The following PAPPA variants were observed in gnomAD, a reference collection of about 807,000 sequenced individuals.
PAPPA encodes pappalysin-1.
In PAPPA, 60 loss-of-function variants were observed where a neutral mutation model predicts 164.0. The observed-to-expected ratio is 0.37, with a 90% CI of 0.30 to 0.45. The LOEUF is 0.45. Among genes scored for constraint, PAPPA ranks in the 20% least tolerant of loss-of-function variants. The pLI is 1.00. For synonymous variants in PAPPA, 875 were observed against 814.1 expected, an observed-to-expected ratio of 1.07 and a Z score of -1.27; for missense variants, 1,782 against 2,087.3, an observed-to-expected ratio of 0.85 and a Z score of 2.85.
chr9:116,233,381 G>A (rs150294550), intron 6 of PAPPA, among the ~76,000 whole-genome samples: 73 of 152,334 alleles, frequency 4.8e-4, no homozygotes, highest in African/African-American at 1.7e-3. Flanking sequence ...ATCCCACAAA[G>A]TTAAGAAAGT....
chr9:116,345,405 G>A, intron 14 of PAPPA, among the ~76,000 whole-genome samples: 1 of 148,104 alleles, frequency 6.8e-6, no homozygotes, highest in Non-Finnish European at 1.5e-5. Context: ...GTAGGCACAG[G>A]CATGGATAGT....
At chr9:116,371,595 T>C (rs1487825454) in intron 19 of PAPPA, among the ~76,000 whole-genome samples, 2 of 152,186 alleles carry the variant, frequency 1.3e-5, no homozygotes, top group African/African-American at 2.4e-5. Context: ...CTTTTCTTTT[T>C]TTCAATTTTT....
intron 5 of PAPPA, among the ~76,000 whole-genome samples, chr9:116,224,191 C>G (rs1434577137): frequency 6.6e-6 from 1 of 152,244 alleles, no homozygotes; most frequent in Non-Finnish European, 1.5e-5. Flanking sequence ...CTCCCACAGC[C>G]TGTGTCCTCA....
intron 7 of PAPPA, among the ~76,000 whole-genome samples, chr9:116,239,404 G>A (rs921817054): frequency 2.0e-5 from 3 of 152,138 alleles, no homozygotes; most frequent in African/African-American, 7.2e-5. Context: ...TCTGTACAAT[G>A]AGAGGCCAAC....
chr9:116,320,618 G>A (rs1845842408), intron 10 of PAPPA, among the ~76,000 whole-genome samples: 3 of 152,090 alleles, frequency 2.0e-5, no homozygotes, highest in Non-Finnish European at 4.4e-5. Flanking sequence ...GGCATCAAAG[G>A]GGAAAGCTGC....
intron 7 of PAPPA, among the ~76,000 whole-genome samples, chr9:116,246,988 C>T (rs1173521305): frequency 6.6e-6 from 1 of 151,936 alleles, no homozygotes; most frequent in Non-Finnish European, 1.5e-5. Flanking sequence ...TGTACCACTG[C>T]ACTCCAGCTT....
At chr9:116,230,900 A>T (rs1326531041) in intron 6 of PAPPA, among the ~76,000 whole-genome samples, 1 of 152,196 alleles carries the variant, frequency 6.6e-6, no homozygotes, top group Non-Finnish European at 1.5e-5. Flanking sequence ...AATAGATCCC[A>T]AGTGTTGGGT....
chr9:116,299,595 A>G (rs1158503657), intron 9 of PAPPA, among the ~76,000 whole-genome samples: 1 of 152,200 alleles, frequency 6.6e-6, no homozygotes, highest in African/African-American at 2.4e-5. Flanking sequence ...GGAGGAGAAG[A>G]AAGTGATACC....
chr9:116,306,703 G>A (rs780693718), intron 10 of PAPPA, among the ~76,000 whole-genome samples: 4 of 152,146 alleles, frequency 2.6e-5, no homozygotes, highest in Non-Finnish European at 5.9e-5. Flanking sequence ...CAAATATCTT[G>A]TATTGTTCTT....
intron 2 of PAPPA, among the ~76,000 whole-genome samples, chr9:116,190,560 A>G (rs985101972): frequency 6.6e-6 from 1 of 152,240 alleles, no homozygotes; most frequent in Non-Finnish European, 1.5e-5. Flanking sequence ...CTAAGGAACA[A>G]TAAGGGGCAA....
chr9:116,159,492 C>T (rs1214182269), intron 1 of PAPPA, among the ~76,000 whole-genome samples: 2 of 152,134 alleles, frequency 1.3e-5, no homozygotes, highest in East Asian at 3.8e-4. Flanking sequence ...TGATCTTCTC[C>T]TCTTTGACAT....
intron 8 of PAPPA, among the ~76,000 whole-genome samples, chr9:116,269,266 C>T (rs1198159455): frequency 1.3e-5 from 2 of 152,278 alleles, no homozygotes; most frequent in Non-Finnish European, 2.9e-5. Flanking sequence ...TCTCAAGCTT[C>T]CACATCTGGT....
intron 9 of PAPPA, among the ~76,000 whole-genome samples, chr9:116,278,132 A>G (rs1325760296): frequency 6.6e-6 from 1 of 152,098 alleles, no homozygotes; most frequent in Non-Finnish European, 1.5e-5. Context: ...GCATCTAGGC[A>G]GAGTCTACAC....
At chr9:116,312,202 C>A (rs1025727631) in intron 10 of PAPPA, among the ~76,000 whole-genome samples, 18 of 152,134 alleles carry the variant, frequency 1.2e-4, no homozygotes, top group African/African-American at 3.9e-4. Context: ...GGACCAGAAA[C>A]CTTTCTTTTA....
intron 7 of PAPPA, among the ~76,000 whole-genome samples, chr9:116,254,358 G>C (rs1401772378): frequency 2.0e-5 from 3 of 152,100 alleles, no homozygotes; most frequent in East Asian, 3.8e-4. Flanking sequence ...AATATAATCA[G>C]CTAGCATTAA....
intron 18 of PAPPA, 22 bp downstream of exon 18, chr9:116,362,761 A>G (rs367592611): frequency 3.1e-5 from 50 of 1,605,116 alleles, no homozygotes; most frequent in Non-Finnish European, 4.1e-5. Flanking sequence ...CCGAGAGGGG[A>G]GCAGTAGGAG....
At chr9:116,215,681 C>A (rs1309894146) in intron 4 of PAPPA, among the ~76,000 whole-genome samples, 1 of 152,102 alleles carries the variant, frequency 6.6e-6, no homozygotes, top group Non-Finnish European at 1.5e-5. Context: ...ATCTATAGAA[C>A]AAACTCCCTT....
intron 10 of PAPPA, among the ~76,000 whole-genome samples, chr9:116,308,909 A>T (rs530625856): frequency 1.3e-5 from 2 of 152,268 alleles, no homozygotes; most frequent in South Asian, 4.2e-4. Context: ...TAAATTTTGG[A>T]ATGTCTGCTT....
At chr9:116,288,096 C>A (rs928667247) in intron 9 of PAPPA, among the ~76,000 whole-genome samples, 1 of 152,260 alleles carries the variant, frequency 6.6e-6, no homozygotes, top group East Asian at 1.9e-4. Context: ...CCAGGCCAGG[C>A]GCGATGGCTT....
Sources: gnomAD v4.1 joint callset for allele counts (sites outside exome capture counted in the v4.1 genomes callset) on GRCh38, gnomAD v4.1.1 for gene constraint, MANE v1.5 for transcripts, NCBI Gene and HGNC (gene_info 2026-07-23, HGNC 2026-07-21) for gene names.